NUTM2F: variants seen among roughly 807,000 people sequenced by gnomAD.
NUTM2F encodes family with sequence similarity 22, member F.
A neutral mutation model predicts 43.3 loss-of-function variants in NUTM2F; 22 were observed. The observed-to-expected ratio is 0.51, with a 90% confidence interval of 0.36 to 0.73. The LOEUF is 0.73. NUTM2F is among the 30% of genes least tolerant of loss of function. NUTM2F has a pLI of 0.00. For missense variants in NUTM2F, 488 were observed against 927.4 expected, an observed-to-expected ratio of 0.53 and a Z score of 6.15; for synonymous variants, 202 against 389.0, an observed-to-expected ratio of 0.52 and a Z score of 5.66.
At chr9:94,324,439 A>G (rs1241425963) in intron 2 of NUTM2F, among the ~76,000 whole-genome samples, 4 of 148,838 alleles carry the variant, frequency 2.7e-5, no homozygotes, top group Admixed American at 6.7e-5. Flanking sequence ...GAGGCGGGCG[A>G]ATCACCAGGG....
chr9:94,319,791 AC>A (rs1286765942), intron 5 of NUTM2F, 62 bp from the exon 6 acceptor site: 1 of 1,597,902 alleles, frequency 6.3e-7, no homozygotes, highest in Non-Finnish European at 8.6e-7. Flanking sequence ...AGCCAAGGAC[AC>A]CCGGAGGAGA....
At chr9:94,322,018 C>G in intron 3 of NUTM2F, among the ~76,000 whole-genome samples, 183 bp downstream of exon 3, 1 of 151,034 alleles carries the variant, frequency 6.6e-6, no homozygotes, top group East Asian at 2.0e-4. Context: ...GAGGGCGGGA[C>G]AGAGACCCCA....
At position 94,325,632 on chromosome 9, in the gene NUTM2F, G is replaced by T. The variant is rs757552587; in HGVS notation, c.319C>A (p.Leu107Ile). ...AQTLILTQAPLVWQAPGTLCG... is the reference protein window; with the variant it reads ...AQTLILTQAPIVWQAPGTLCG... ...AGGGTGCCTGGAGCCTGCCAGACGAGGGGGGCCTGAGTTAGGATCAAGGTC... is the reference window on the plus strand; with the variant it reads ...AGGGTGCCTGGAGCCTGCCAGACGATGGGGGCCTGAGTTAGGATCAAGGTC... The change falls in exon 2 of 7, where the codon CTC (leucine) becomes ATC (isoleucine). Residue 107 changes from leucine (L) to isoleucine (I), a missense_variant. Coordinates refer to ENST00000253262, the MANE Select transcript of NUTM2F (RefSeq NM_017561.2). 9 of 1,606,100 alleles carry T rather than the reference G, an allele frequency of 5.6e-6. No individual in the cohort carries two copies. The highest frequency in any genetic ancestry group is 5.5e-5 in the South Asian group (5 of 90,554).
rs199966336 is a variant in NUTM2F at position 94,318,731 on chromosome 9, C to T, written c.2005G>A (p.Gly669Arg). ...VPSSGLLSPG[G>R]RGPQGALQSP... Reference sequence around the variant, plus strand: ...TGAAGAGCTCCCTGGGGTCCTCTCCCTCCTGGGCTGAGAAGGCCCGAGGAA... The same window carrying T: ...TGAAGAGCTCCCTGGGGTCCTCTCCTTCCTGGGCTGAGAAGGCCCGAGGAA... Residue 669 changes from glycine (G) to arginine (R), a missense_variant, in exon 7 of 7, where the codon GGG (glycine) becomes AGG (arginine). Coordinates refer to ENST00000253262, the MANE Select transcript of NUTM2F (RefSeq NM_017561.2). The T allele has an allele frequency of 4.4e-6, 7 of 1,593,944 alleles. No individual in the cohort carries two copies. In the African/African-American group the frequency reaches 6.7e-5, roughly 15 times the overall value.
At chr9:94,326,879 G>A (rs1272502008) in intron 1 of NUTM2F, among the ~76,000 whole-genome samples, 1 of 151,660 alleles carries the variant, frequency 6.6e-6, no homozygotes, top group Non-Finnish European at 1.5e-5. Flanking sequence ...ACCCACACAA[G>A]TGTTAAATAG....
At position 94,320,984 on chromosome 9, in the gene NUTM2F, G is replaced by A; in HGVS notation, c.982+109C>T. On this transcript the variant is annotated intron_variant, in intron 4 of 6. Coordinates refer to ENST00000253262, the MANE Select transcript of NUTM2F (RefSeq NM_017561.2). The surrounding 1 kb of genome is among the most constrained non-coding windows in gnomAD (Gnocchi z 4.5). ...TACACTCCCGGAAGCTGTCCTGTTGGAGGGAGCAAATCCCCCTCTTGAAGG... is the reference window on the plus strand; with the variant it reads ...TACACTCCCGGAAGCTGTCCTGTTGAAGGGAGCAAATCCCCCTCTTGAAGG... 6.8e-7 allele frequency: 1 copy of A among 1,467,580 alleles called. No homozygotes were observed. Among genetic ancestry groups the A allele is most frequent in the Non-Finnish European group, 9.0e-7 (1 of 1,115,508 alleles). 90.9% of individuals were successfully genotyped at this position (1,467,580 alleles called of 1,614,324 possible). A position where few individuals can be genotyped will look rare whatever the true frequency, so the allele number is the denominator to read the frequency against.
chr9:94,320,718 A>C lies in NUTM2F; in HGVS notation c.983-125T>G, dbSNP rs1045138081. 2.9e-6 allele frequency: 4 copies of C among 1,360,938 alleles called. No homozygotes were observed. Among genetic ancestry groups the C allele is most frequent in the Non-Finnish European group, 3.9e-6 (4 of 1,020,546 alleles). 84.3% of individuals were successfully genotyped at this position (1,360,938 alleles called of 1,614,324 possible). On this transcript the variant is annotated intron_variant, in intron 4 of 6. Coordinates refer to ENST00000253262, the MANE Select transcript of NUTM2F (RefSeq NM_017561.2). The surrounding 1 kb of genome is among the most constrained non-coding windows in gnomAD (Gnocchi z 4.5). ...GCTGGGTCAGGACCACCTGAACCAC[A>C]GCGCCCCGGAGGAGACGCCACAGGA...
chr9:94,320,434 G>A lies in NUTM2F; in HGVS notation c.1142C>T (p.Pro381Leu), dbSNP rs778188780. The A allele has an allele frequency of 1.0e-5, 16 of 1,603,644 alleles. No homozygotes were observed. The highest frequency in any genetic ancestry group is 9.0e-5 in the East Asian group (4 of 44,440). The change falls in exon 5 of 7, where the codon CCA (proline) becomes CTA (leucine). Residue 381 changes from proline (P) to leucine (L), a missense_variant. Coordinates refer to ENST00000253262, the MANE Select transcript of NUTM2F (RefSeq NM_017561.2). The surrounding 1 kb of genome is among the most constrained non-coding windows in gnomAD (Gnocchi z 4.5). ...CTCCTCAGGGACCTTGGTCTCCGCT[G>A]GCCTCTGGGGCCTGGGTGGTGGCAG... Reference protein sequence around the residue: ...AHLPPPRPQRPAETKVPEEIP... With the variant: ...AHLPPPRPQRLAETKVPEEIP...
chr9:94,321,204 T>C lies in NUTM2F; in HGVS notation c.871A>G (p.Met291Val), dbSNP rs370198532. The C allele has an allele frequency of 9.9e-5, 156 of 1,575,588 alleles. 1 individual carries two copies. The African/African-American group carries it at 1.8e-3, about 19-fold the overall frequency. ...KFLEFEAEEE[M>V]QIQKSQWMKG... is the part of the protein sequence containing the mutation. ...ATCCACTGCGATTTCTGAATCTGCATCTCCTCCTCAGCCTCAAATTCCAGG... is the reference window on the plus strand; with the variant it reads ...ATCCACTGCGATTTCTGAATCTGCACCTCCTCCTCAGCCTCAAATTCCAGG... The change falls in exon 4 of 7, where the codon ATG (methionine) becomes GTG (valine). Residue 291 changes from methionine to valine, a missense_variant. Transcript: ENST00000253262.
Position 94,320,433 on chromosome 9 carries a change from T to A in NUTM2F, c.1143A>T (p.Pro381=). Residue 381 remains proline, a synonymous_variant, in exon 5 of 7, where the codon CCA becomes CCT. Coordinates refer to ENST00000253262, the MANE Select transcript of NUTM2F (RefSeq NM_017561.2). The surrounding 1 kb of genome is among the most constrained non-coding windows in gnomAD (Gnocchi z 4.5). ...TCTCCTCAGGGACCTTGGTCTCCGC[T>A]GGCCTCTGGGGCCTGGGTGGTGGCA... is the stretch of plus-strand genomic sequence containing the variant. ...AHLPPPRPQR[P]AETKVPEEIP... 1 of 1,603,902 alleles carries A rather than the reference T, an allele frequency of 6.2e-7. No individual in the cohort carries two copies. The highest frequency in any genetic ancestry group is 8.5e-7 in the Non-Finnish European group (1 of 1,174,662).
chr9:94,324,210 C>T (rs1245196090), intron 2 of NUTM2F, among the ~76,000 whole-genome samples: 5 of 151,784 alleles, frequency 3.3e-5, no homozygotes, highest in South Asian at 2.1e-4. Flanking sequence ...GCAGAGGTTG[C>T]GGTGAGCCAA....
At position 94,320,862 on chromosome 9, in the gene NUTM2F, G is replaced by A. The variant is rs1831353803; in HGVS notation, c.982+231C>T. On this transcript the variant is annotated intron_variant, in intron 4 of 6. Coordinates refer to ENST00000253262, the MANE Select transcript of NUTM2F (RefSeq NM_017561.2). This position sits in a 1 kb window ranked among gnomAD's most constrained non-coding sequence, Gnocchi z 4.5. ...CATATGTGGAGTTTTGGACAGGCAA[G>A]GGGAGAGAGAAAGTAGGAAACTTGG... 6.6e-6 allele frequency among the ~76,000 whole-genome samples: 1 copy of A among 152,196 alleles called. No individual in the cohort carries two copies.
At chr9:94,324,868 T>A (rs1018776436) in intron 2 of NUTM2F, among the ~76,000 whole-genome samples, 2 of 146,812 alleles carry the variant, frequency 1.4e-5, no homozygotes, top group Non-Finnish European at 3.0e-5. Flanking sequence ...ATGCCTGTAA[T>A]CCCAACTACT....
intron 3 of NUTM2F, among the ~76,000 whole-genome samples, chr9:94,321,752 G>A (rs1344993115): frequency 2.0e-5 from 3 of 147,812 alleles, no homozygotes; most frequent in Admixed American, 6.8e-5. Context: ...TCAGGCCAGA[G>A]AGGGGTCTCA....
At position 94,325,751 on chromosome 9, in the gene NUTM2F, C is replaced by G; in HGVS notation, c.200G>C (p.Gly67Ala). The change falls in exon 2 of 7, where the codon GGA becomes GCA. Residue 67 changes from glycine (G) to alanine (A), a missense_variant. Transcript: ENST00000253262. ...SAFPSTPLVA[G>A]QDGRGPSGAG... ...CCCACTCGGGCCGCGGCCATCCTGT[C>G]CTGCCACTAGAGGGGTGCTGGGGAA... The G allele has an allele frequency of 6.2e-7, 1 of 1,612,048 alleles. No individual in the cohort carries two copies. Among genetic ancestry groups the G allele is most frequent in the Admixed American group, 1.7e-5 (1 of 60,024 alleles).
rs1256396105 is a variant in NUTM2F, at chr9:94,322,313, G to C, written c.730C>G (p.Leu244Val). 5 of 1,611,936 alleles carry C rather than the reference G, an allele frequency of 3.1e-6. No homozygotes were observed. The highest frequency in any genetic ancestry group is 4.2e-6 in the Non-Finnish European group (5 of 1,179,844). ...SCFLIPVLRSLARRKPTMTLE... is the reference protein window; with the variant it reads ...SCFLIPVLRSVARRKPTMTLE... ...GTCATGGTGGGCTTCCGCCGGGCCAGGGATCGGAGAACTGGGCTGTAAACC... is the reference window on the plus strand; with the variant it reads ...GTCATGGTGGGCTTCCGCCGGGCCACGGATCGGAGAACTGGGCTGTAAACC... Residue 244 changes from leucine to valine, a missense_variant, in exon 3 of 7, where the codon CTG (leucine) becomes GTG (valine). Physicochemically the swap from Leu to Val is conservative, Grantham distance 32. Transcript: ENST00000253262.
intron 3 of NUTM2F, 43 bp from the exon 4 acceptor site, chr9:94,321,275 C>G (rs1359860280): frequency 9.6e-6 from 15 of 1,554,422 alleles, no homozygotes; most frequent in Non-Finnish European, 1.3e-5. Context: ...AGGGTCCAGG[C>G]CCCCTCCCCC....
rs1188580554 is a variant in NUTM2F at position 94,320,754 on chromosome 9, T to A, written c.983-161A>T. 1.3e-5 allele frequency among the ~76,000 whole-genome samples: 2 copies of A among 152,192 alleles called. No homozygotes were observed. The highest frequency in any genetic ancestry group is 2.9e-5 in the Non-Finnish European group (2 of 68,028). ...GGAGACGCCACAGGAGGGGCACATC[T>A]GAGACAGCATCGCTTGGGAGGAAGT... On this transcript the variant is annotated intron_variant, in intron 4 of 6. Coordinates refer to ENST00000253262, the MANE Select transcript of NUTM2F (RefSeq NM_017561.2). This position sits in a 1 kb window ranked among gnomAD's most constrained non-coding sequence, Gnocchi z 4.5.
intron 2 of NUTM2F, among the ~76,000 whole-genome samples, chr9:94,324,987 CAAA>C (rs1205985816): frequency 1.0e-5 from 1 of 98,342 alleles, no homozygotes; most frequent in African/African-American, 4.2e-5. Flanking sequence ...AAGTCCATCT[CAAA>C]AAAAAAAAAA....
Sources: allele counts gnomAD v4.1 joint callset (sites outside exome capture counted in the v4.1 genomes callset), GRCh38; gene constraint gnomAD v4.1.1; non-coding constraint Gnocchi (gnomAD v3.1); transcripts MANE v1.5; gene names NCBI Gene and HGNC (gene_info 2026-07-23, HGNC 2026-07-21).